PTPRN2: variants seen among roughly 807,000 people sequenced by gnomAD.
PTPRN2 encodes the protein protein tyrosine phosphatase receptor type N2, also known as receptor-type tyrosine-protein phosphatase N2.
In PTPRN2, 74 loss-of-function variants were observed where a neutral mutation model predicts 118.8. The ratio of observed to expected loss-of-function variants is 0.62; its 90% CI spans 0.52 to 0.76. PTPRN2 has a LOEUF of 0.76. PTPRN2 is among the 30% of genes least tolerant of loss of function. The pLI is 0.00. For missense variants in PTPRN2, 1,481 were observed against 1,394.4 expected, an observed-to-expected ratio of 1.06 and a Z score of -0.99; for synonymous variants, 641 against 608.0, an observed-to-expected ratio of 1.05 and a Z score of -0.80.
chr7:158,311,729 AG>A (rs1429143960), intron 3 of PTPRN2, among the ~76,000 whole-genome samples: 1 of 152,254 alleles, frequency 6.6e-6, no homozygotes, highest in East Asian at 1.9e-4. Flanking sequence ...GCAGAAGCAC[AG>A]GATCAACTCT....
chr7:157,610,609 T>C lies in PTPRN2; in HGVS notation c.2345-6534A>G, dbSNP rs1802272240. Among the ~76,000 whole-genome samples, 2 of 152,122 alleles carry C rather than the reference T, an allele frequency of 1.3e-5. No homozygotes were observed. The highest frequency in any genetic ancestry group is 4.8e-5 in the African/African-American group (2 of 41,414). ...AAGGGCCGTCAGTGCTGCTTAGGGA[T>C]CCCAGCGGCTCACACACAGAAAGGC... On this transcript the variant is annotated intron_variant, in intron 15 of 22. Transcript: ENST00000389418. The surrounding 1 kb of genome is among the most constrained non-coding windows in gnomAD (Gnocchi z 5.1).
At chr7:157,651,839 T>C (rs989252953) in intron 14 of PTPRN2, among the ~76,000 whole-genome samples, 1 of 152,240 alleles carries the variant, frequency 6.6e-6, no homozygotes, top group African/African-American at 2.4e-5. Flanking sequence ...CATCTCCGTG[T>C]TGCCTTTCGG....
intron 12 of PTPRN2, among the ~76,000 whole-genome samples, chr7:157,882,860 T>C (rs904668371): frequency 7.2e-6 from 1 of 138,346 alleles, no homozygotes; most frequent in Admixed American, 7.5e-5. Flanking sequence ...ACCCCCAAAA[T>C]GGCTGTTGGA....
intron 12 of PTPRN2, among the ~76,000 whole-genome samples, chr7:157,848,038 G>A (rs1032779757): frequency 1.7e-4 from 22 of 131,942 alleles, no homozygotes; most frequent in East Asian, 1.5e-3. Flanking sequence ...TCATTACATC[G>A]TGTGTGCCTG....
intron 12 of PTPRN2, among the ~76,000 whole-genome samples, chr7:157,716,919 G>A (rs71538049): frequency 2.0e-5 from 2 of 101,208 alleles, no homozygotes; most frequent in Admixed American, 1.0e-4. Context: ...TAGACTCTGC[G>A]GGAACACTGC....
chr7:157,603,950 T>C lies in PTPRN2; in HGVS notation c.2418+52A>G. 1 of 1,534,838 alleles carries C rather than the reference T, an allele frequency of 6.5e-7. No individual in the cohort carries two copies. The highest frequency in any genetic ancestry group is 9.0e-7 in the Non-Finnish European group (1 of 1,110,172). Reference sequence around the variant, plus strand: ...GAACCTTCCCACGTGATTTGCCGCGTCCGTGCCACCCAAGGGAAAGCCTGG... The same window carrying C: ...GAACCTTCCCACGTGATTTGCCGCGCCCGTGCCACCCAAGGGAAAGCCTGG... On this transcript the variant is annotated intron_variant, in intron 16 of 22. Coordinates refer to ENST00000389418, the MANE Select transcript of PTPRN2 (RefSeq NM_002847.5). The surrounding 1 kb of genome is among the most constrained non-coding windows in gnomAD (Gnocchi z 5.4).
chr7:157,838,380 T>C (rs112142065), intron 12 of PTPRN2, among the ~76,000 whole-genome samples: 3,764 of 111,980 alleles, frequency 0.034, 281 homozygotes, highest in South Asian at 0.12. Flanking sequence ...AGCTGCTCTC[T>C]GCCGTGGCTA....
chr7:158,376,632 C>T (rs540222691), intron 2 of PTPRN2, among the ~76,000 whole-genome samples: 1 of 105,416 alleles, frequency 9.5e-6, no homozygotes, highest in Non-Finnish European at 1.9e-5. Context: ...AGGGGACTCC[C>T]CCACAGCCCT....
chr7:157,650,834 G>A (rs1187692243), intron 14 of PTPRN2, among the ~76,000 whole-genome samples: 3 of 152,190 alleles, frequency 2.0e-5, no homozygotes, highest in Non-Finnish European at 4.4e-5. Context: ...ATGGTTTCGC[G>A]AGGCCCTCCT....
At chr7:157,543,097 T>C (rs773161774) in intron 22 of PTPRN2, among the ~76,000 whole-genome samples, 49 of 152,148 alleles carry the variant, frequency 3.2e-4, no homozygotes, top group Non-Finnish European at 5.1e-4. Context: ...TGGATAACTT[T>C]TATGATAGGA....
rs150454903 is a variant in PTPRN2, at chr7:158,172,047, T to C, written c.550-4756A>G. Among the ~76,000 whole-genome samples, 8 of 152,310 alleles carry C rather than the reference T, an allele frequency of 5.3e-5. No homozygotes were observed. The East Asian group carries it at 1.2e-3, about 22-fold the overall frequency. ...GAGAGCTTCTGCCAAAGTCTGATGA[T>C]GTTTAAGCTGACATGATATTCTACT... On this transcript the variant is annotated intron_variant, in intron 5 of 22. Coordinates refer to ENST00000389418, the MANE Select transcript of PTPRN2 (RefSeq NM_002847.5).
At chr7:157,948,595 C>T (rs531704785) in intron 11 of PTPRN2, among the ~76,000 whole-genome samples, 8 of 152,288 alleles carry the variant, frequency 5.3e-5, no homozygotes, top group Admixed American at 2.0e-4. Flanking sequence ...GAAGTAAATC[C>T]TTCCTTAACA....
rs756323361 is a variant in PTPRN2 at position 157,671,500 on chromosome 7, G to A, written c.2001+11225C>T. Among the ~76,000 whole-genome samples, 10 of 151,460 alleles carry A rather than the reference G, an allele frequency of 6.6e-5. No homozygotes were observed. Among genetic ancestry groups the A allele is most frequent in the Non-Finnish European group, 1.2e-4 (8 of 67,916 alleles). ...TCTGCACAGGGCTGGACAGATGGGA[G>A]GGTCTGCAGGGATAAAGTGGGAGGG... On this transcript the variant is annotated intron_variant, in intron 13 of 22. Transcript: ENST00000389418. This position sits in a 1 kb window ranked among gnomAD's most constrained non-coding sequence, Gnocchi z 4.1.
chr7:158,204,289 G>GA (rs201460636), intron 4 of PTPRN2, among the ~76,000 whole-genome samples: 5 of 152,002 alleles, frequency 3.3e-5, no homozygotes, highest in Admixed American at 6.6e-5. Context: ...GCGTTCTGAG[G>GA]AAAGAGGCAA....
At chr7:158,286,086 T>TG (rs1481606722) in intron 3 of PTPRN2, among the ~76,000 whole-genome samples, 1 of 152,192 alleles carries the variant, frequency 6.6e-6, no homozygotes, top group Non-Finnish European at 1.5e-5. Flanking sequence ...CCTGGGCAAA[T>TG]GGAGTCCTAA....
intron 3 of PTPRN2, among the ~76,000 whole-genome samples, chr7:158,285,609 T>G (rs1311594777): frequency 1.3e-5 from 2 of 152,200 alleles, no homozygotes; most frequent in Non-Finnish European, 2.9e-5. Context: ...CCTCCACAGC[T>G]TCTCCTCATC....
rs1224922716 is a variant in PTPRN2 at position 157,690,103 on chromosome 7, G to C, written c.1789-7166C>G. 6.6e-6 allele frequency among the ~76,000 whole-genome samples: 1 copy of C among 152,222 alleles called. No individual in the cohort carries two copies. The highest frequency in any genetic ancestry group is 2.4e-5 in the African/African-American group (1 of 41,476). On this transcript the variant is annotated intron_variant, in intron 12 of 22. Transcript: ENST00000389418. This position sits in a 1 kb window ranked among gnomAD's most constrained non-coding sequence, Gnocchi z 7.1. ...GGAGCAACGCGAAAGGCCGAGAGAAGAGCGCTGGGGAGAAGTCCCGGAGGT... is the reference window on the plus strand; with the variant it reads ...GGAGCAACGCGAAAGGCCGAGAGAACAGCGCTGGGGAGAAGTCCCGGAGGT...
At chr7:157,799,868 CATCCCTCA>C (rs2151092896) in intron 12 of PTPRN2, among the ~76,000 whole-genome samples, 1 of 125,994 alleles carries the variant, frequency 7.9e-6, no homozygotes, top group Non-Finnish European at 1.7e-5. Flanking sequence ...CGGCCCCCTC[CATCCCTCA>C]GAGGCACCAC....
At chr7:157,759,239 C>T (rs1585396378) in intron 12 of PTPRN2, among the ~76,000 whole-genome samples, 1 of 152,214 alleles carries the variant, frequency 6.6e-6, no homozygotes, top group Non-Finnish European at 1.5e-5. Context: ...AGCTAAGTTA[C>T]GTCTCCTCTG....
Sources: allele counts gnomAD v4.1 joint callset (sites outside exome capture counted in the v4.1 genomes callset), GRCh38; gene constraint gnomAD v4.1.1; non-coding constraint Gnocchi (gnomAD v3.1); transcripts MANE v1.5; gene names NCBI Gene and HGNC (gene_info 2026-07-23, HGNC 2026-07-21).